Variants in STAU2 observed in about 807,000 individuals in gnomAD.
STAU2 encodes staufen double-stranded RNA binding protein 2, also known as double-stranded RNA-binding protein Staufen homolog 2.
STAU2 carries 20 observed loss-of-function variants against 65.9 expected under a neutral mutation model. That is an observed-to-expected ratio of 0.30 (90% confidence interval 0.21 to 0.44). The LOEUF (loss-of-function observed/expected upper bound fraction) is 0.44, where lower values mean the gene tolerates loss of function less well. Ranked by LOEUF, STAU2 falls within the 20% of genes least tolerant of loss-of-function variation. STAU2 has a pLI of 1.00. For missense variants in STAU2, 558 were observed against 683.9 expected (o/e 0.82, Z 2.05); for synonymous variants, 232 against 233.9 (o/e 0.99, Z 0.07).
intron 3 of STAU2, among the ~76,000 whole-genome samples, chr8:73,722,270 TA>T (rs1371113423): frequency 6.6e-6 from 1 of 152,180 alleles, no homozygotes; most frequent in Non-Finnish European, 1.5e-5. Context: ...ATTTTTGCTT[TA>T]AGCAGTCACT....
chr8:73,612,948 T>C (rs955008030), intron 9 of STAU2, among the ~76,000 whole-genome samples: 1 of 152,216 alleles, frequency 6.6e-6, no homozygotes, highest in Non-Finnish European at 1.5e-5. Flanking sequence ...TGTCCTGTAC[T>C]AAATGCTGAT....
At chr8:73,645,410 T>A (rs938394865) in intron 6 of STAU2, among the ~76,000 whole-genome samples, 5 of 152,034 alleles carry the variant, frequency 3.3e-5, no homozygotes, top group East Asian at 1.9e-4. Context: ...ATAAAAAAAA[T>A]TCTCAAAAAA....
chr8:73,455,192 G>T (rs368763671), intron 13 of STAU2, among the ~76,000 whole-genome samples: 1 of 152,126 alleles, frequency 6.6e-6, no homozygotes, highest in Non-Finnish European at 1.5e-5. Context: ...CCTCCTGCCC[G>T]CTCTGCTTGG....
intron 12 of STAU2, among the ~76,000 whole-genome samples, chr8:73,560,994 CT>C (rs997038995): frequency 1.4e-4 from 21 of 148,792 alleles, no homozygotes; most frequent in East Asian, 7.8e-4. Context: ...CATCATTCAT[CT>C]TTTTTTTTTA....
chr8:73,604,563 G>A (rs1271988266), intron 9 of STAU2, among the ~76,000 whole-genome samples: 1 of 151,942 alleles, frequency 6.6e-6, no homozygotes, highest in Non-Finnish European at 1.5e-5. Flanking sequence ...GACGTATCCG[G>A]TATCCAAAAT....
At chr8:73,566,651 C>T (rs1808634158) in intron 12 of STAU2, among the ~76,000 whole-genome samples, 1 of 152,154 alleles carries the variant, frequency 6.6e-6, no homozygotes, top group African/African-American at 2.4e-5. Flanking sequence ...AGTCAGAAGA[C>T]ATGAGTTCAA....
At chr8:73,630,569 C>A (rs1814015827) in intron 6 of STAU2, among the ~76,000 whole-genome samples, 2 of 152,108 alleles carry the variant, frequency 1.3e-5, no homozygotes, top group South Asian at 4.1e-4. Context: ...TTTCTGTGGA[C>A]AAAATAGTTT....
chr8:73,504,609 G>A (rs1821953975), intron 13 of STAU2, among the ~76,000 whole-genome samples: 1 of 151,898 alleles, frequency 6.6e-6, no homozygotes, highest in South Asian at 2.1e-4. Flanking sequence ...TCTCTCTCTG[G>A]CAGCTTACTT....
intron 13 of STAU2, among the ~76,000 whole-genome samples, chr8:73,469,316 G>T (rs1021024297): frequency 6.6e-6 from 1 of 152,098 alleles, no homozygotes; most frequent in African/African-American, 2.4e-5. Flanking sequence ...GGGGTTGGGG[G>T]AGTGGGGAGG....
intron 4 of STAU2, among the ~76,000 whole-genome samples, chr8:73,696,096 GA>G: frequency 6.6e-6 from 1 of 152,294 alleles, no homozygotes; most frequent in Non-Finnish European, 1.5e-5. Context: ...TTGTTTGGGA[GA>G]AAGTAAAGAA....
At chr8:73,734,675 T>A (rs548057380) in intron 3 of STAU2, among the ~76,000 whole-genome samples, 2 of 152,116 alleles carry the variant, frequency 1.3e-5, no homozygotes, top group East Asian at 3.9e-4. Flanking sequence ...GCGCTTGTGA[T>A]CCCAGCTACT....
intron 13 of STAU2, among the ~76,000 whole-genome samples, chr8:73,436,366 G>A (rs548177958): frequency 2.1e-4 from 32 of 151,644 alleles, no homozygotes; most frequent in Non-Finnish European, 4.0e-4. Context: ...CAGCAAAGAC[G>A]GAGCTAGAAC....
At chr8:73,662,599 T>TTTGTTGTTG (rs370019142) in intron 6 of STAU2, among the ~76,000 whole-genome samples, 2,041 of 150,670 alleles carry the variant, frequency 0.014, 18 homozygotes, top group Middle Eastern at 0.035. Flanking sequence ...TTCAGGGGTT[T>TTTGTTGTTG]TTGTTGTTGT....
intron 6 of STAU2, chr8:73,651,169 G>A: frequency 8.7e-7 from 1 of 1,151,858 alleles, no homozygotes; most frequent in East Asian, 2.6e-5. Flanking sequence ...CCAGGCATCG[G>A]GCCCCGAGGA....
At chr8:73,438,371 T>C (rs1048646600) in intron 13 of STAU2, among the ~76,000 whole-genome samples, 7 of 152,132 alleles carry the variant, frequency 4.6e-5, no homozygotes, top group African/African-American at 1.7e-4. Flanking sequence ...GGAAAGGACA[T>C]ACAGCAATGA....
At chr8:73,686,422 T>C (rs769096841) in intron 5 of STAU2, among the ~76,000 whole-genome samples, 7 of 151,984 alleles carry the variant, frequency 4.6e-5, no homozygotes, top group Non-Finnish European at 7.4e-5. Context: ...TGGTGGCACA[T>C]GCCTGTAGTC....
chr8:73,572,946 A>C (rs1482257478), intron 12 of STAU2, among the ~76,000 whole-genome samples: 1 of 152,208 alleles, frequency 6.6e-6, no homozygotes, highest in Non-Finnish European at 1.5e-5. Flanking sequence ...TCATTAGGAA[A>C]AGAGGAAGTC....
intron 12 of STAU2, among the ~76,000 whole-genome samples, chr8:73,558,619 G>T (rs2128947618): frequency 6.6e-6 from 1 of 152,286 alleles, no homozygotes; most frequent in East Asian, 1.9e-4. Context: ...TGCTGAAGAA[G>T]ATAAGTGTTT....
chr8:73,708,752 C>T (rs1256297450), intron 4 of STAU2, among the ~76,000 whole-genome samples: 3 of 152,096 alleles, frequency 2.0e-5, no homozygotes, highest in Non-Finnish European at 4.4e-5. Context: ...CTTAACTTTC[C>T]TGTGCCTGAG....
Sources: allele counts gnomAD v4.1 joint callset (sites outside exome capture counted in the v4.1 genomes callset), GRCh38; gene constraint gnomAD v4.1.1; transcripts MANE v1.5; gene names NCBI Gene and HGNC (gene_info 2026-07-23, HGNC 2026-07-21).